The following EIF3H variants were observed in gnomAD, a reference collection of about 807,000 sequenced individuals.
EIF3H encodes the protein eukaryotic translation initiation factor 3 subunit H, also known as eIF-3-gamma.
In EIF3H, 26 loss-of-function variants were observed where a neutral mutation model predicts 44.2. The ratio of observed to expected loss-of-function variants is 0.59; its 90% CI spans 0.43 to 0.82. The LOEUF (loss-of-function observed/expected upper bound fraction) is 0.82. Among genes scored for constraint, EIF3H ranks in the 40% least tolerant of loss-of-function variants. EIF3H has a pLI of 0.00. For missense variants in EIF3H, 359 were observed against 432.8 expected, an observed-to-expected ratio of 0.83 and a Z score of 1.51; for synonymous variants, 166 against 151.9, an observed-to-expected ratio of 1.09 and a Z score of -0.68.
intron 1 of EIF3H, among the ~76,000 whole-genome samples, chr8:116,734,752 G>T (rs1815005692): frequency 6.6e-6 from 1 of 152,134 alleles, no homozygotes; most frequent in Non-Finnish European, 1.5e-5. Context: ...TGGAGACAGG[G>T]TTTCACCATG....
chr8:116,756,776 C>T (rs1815457014), upstream of EIF3H, among the ~76,000 whole-genome samples: 1 of 152,198 alleles, frequency 6.6e-6, no homozygotes, highest in Admixed American at 6.5e-5. Flanking sequence ...AATATCCACT[C>T]ATTTCAAGTG....
At chr8:116,702,064 T>C (rs1248803815) in intron 2 of EIF3H, among the ~76,000 whole-genome samples, 1 of 152,152 alleles carries the variant, frequency 6.6e-6, no homozygotes, top group Non-Finnish European at 1.5e-5. Flanking sequence ...AAGCATATGA[T>C]CTATGAGACA....
intron 2 of EIF3H, among the ~76,000 whole-genome samples, chr8:116,676,347 A>G (rs1297556496): frequency 6.6e-6 from 1 of 152,270 alleles, no homozygotes; most frequent in Non-Finnish European, 1.5e-5. Context: ...ATTGACTCAC[A>G]GTTCAGCATG....
intron 2 of EIF3H, among the ~76,000 whole-genome samples, chr8:116,694,641 T>G (rs1814236920): frequency 6.6e-6 from 1 of 152,254 alleles, no homozygotes; most frequent in South Asian, 2.1e-4. Context: ...AGAAAGGTCA[T>G]ATCTAGTCTC....
intron 2 of EIF3H, among the ~76,000 whole-genome samples, chr8:116,677,589 CAAT>C (rs1813870783): frequency 6.6e-6 from 1 of 152,224 alleles, no homozygotes; most frequent in East Asian, 1.9e-4. Flanking sequence ...CTGGCACTAA[CAAT>C]AATAGCTTCC....
In EIF3H at chr8:116,713,503, G is replaced by C. The variant is rs539452361; in HGVS notation, c.289+12513C>G. On this transcript the variant is annotated intron_variant, in intron 2 of 7. Transcript: ENST00000521861. ...AAGTAAATGCAAAAATATTTTTCAA[G>C]CTTTCAAAATGAAGCTAGACTTTGT... Among the ~76,000 whole-genome samples, 17 of 152,176 alleles carry C rather than the reference G, an allele frequency of 1.1e-4. No individual in the cohort carries two copies. The South Asian group carries it at 3.1e-3, about 28-fold the overall frequency.
chr8:116,731,775 G>C (rs115869935), intron 1 of EIF3H, among the ~76,000 whole-genome samples: 1 of 152,138 alleles, frequency 6.6e-6, no homozygotes, highest in Non-Finnish European at 1.5e-5. Flanking sequence ...GTTAAGAACC[G>C]ATGCTGACTA....
chr8:116,642,421 G>A lies in EIF3H; in HGVS notation c.*2585C>T, dbSNP rs1813235965. 6.6e-6 allele frequency: 1 copy of A among 151,810 alleles called. No individual in the cohort carries two copies. 9.4% of individuals were successfully genotyped at this position (151,810 alleles called of 1,614,324 possible). Reference sequence around the variant, plus strand: ...CTCAATTTCCAAGCTTCCAAAAATAGGTAAAAAAATTATTTTAGTTTAAGT... The same window carrying A: ...CTCAATTTCCAAGCTTCCAAAAATAAGTAAAAAAATTATTTTAGTTTAAGT... On this transcript the variant is annotated 3_prime_UTR_variant, in exon 8 of 8. Coordinates refer to ENST00000521861, the MANE Select transcript of EIF3H (RefSeq NM_003756.3).
At chr8:116,715,691 G>C (rs1808084033) in intron 2 of EIF3H, among the ~76,000 whole-genome samples, 1 of 152,064 alleles carries the variant, frequency 6.6e-6, no homozygotes, top group South Asian at 2.1e-4. Flanking sequence ...GTGAGTTATT[G>C]AATCTGTGTT....
rs146742248 is a variant in EIF3H at position 116,694,293 on chromosome 8, A to G, written c.289+31723T>C. ...GCTATAAAACTTTTAATCTTTGCAA[A>G]TCTAAAGTGTGAAATGTCATGTTTT... On this transcript the variant is annotated intron_variant, in intron 2 of 7. Transcript: ENST00000521861. 4.2e-3 allele frequency among the ~76,000 whole-genome samples: 635 copies of G among 152,236 alleles called. 5 individuals are homozygous for G. Among genetic ancestry groups the G allele is most frequent in the African/African-American group, 0.015 (605 of 41,544 alleles).
Position 116,666,753 on chromosome 8 carries a change from C to CAAAAAAAAAA in EIF3H, c.290-7783_290-7774dup, listed in dbSNP as rs56700266. Among the ~76,000 whole-genome samples the CAAAAAAAAAA allele has an allele frequency of 1.0e-3, 74 of 71,440 alleles. 11 individuals carry two copies. Among genetic ancestry groups the CAAAAAAAAAA allele is most frequent in the African/African-American group, 4.2e-3 (61 of 14,602 alleles). 46.9% of individuals were successfully genotyped at this position (71,440 alleles called of 152,430 possible). The stretch of plus-strand genomic sequence containing the variant: ...CCAAATGAGAATCTTTAGTGTTAGG[C>CAAAAAAAAAA]AAAAAAAAAAAAAAAAAAAAAAATT... On this transcript the variant is annotated intron_variant, in intron 2 of 7. Transcript: ENST00000521861.
At chr8:116,662,151 T>C (rs1813595218) in intron 2 of EIF3H, among the ~76,000 whole-genome samples, 1 of 152,208 alleles carries the variant, frequency 6.6e-6, no homozygotes, top group South Asian at 2.1e-4. Context: ...AAATATACAA[T>C]GCACTAGAAT....
At chr8:116,694,593 C>G (rs567551307) in intron 2 of EIF3H, among the ~76,000 whole-genome samples, 2 of 152,240 alleles carry the variant, frequency 1.3e-5, no homozygotes, top group East Asian at 3.9e-4. Context: ...TAGGTATAGA[C>G]CATTTATTTT....
intron 1 of EIF3H, among the ~76,000 whole-genome samples, chr8:116,745,657 G>T (rs577734028): frequency 3.3e-5 from 5 of 152,316 alleles, no homozygotes; most frequent in African/African-American, 1.2e-4. Context: ...CTGGCCCAGT[G>T]TGGTGTCTCA....
At chr8:116,712,223 G>T (rs1384581871) in intron 2 of EIF3H, among the ~76,000 whole-genome samples, 1 of 152,192 alleles carries the variant, frequency 6.6e-6, no homozygotes, top group Non-Finnish European at 1.5e-5. Context: ...GATGCTGGTT[G>T]TGAGGTTAGT....
At chr8:116,723,011 T>C (rs913047288) in intron 2 of EIF3H, among the ~76,000 whole-genome samples, 1 of 152,212 alleles carries the variant, frequency 6.6e-6, no homozygotes, top group Non-Finnish European at 1.5e-5. Context: ...TAGCTTCCAA[T>C]GATCTAGAAT....
rs189395264 is a variant in EIF3H, at chr8:116,649,753, T to C, written c.708-827A>G. Among the ~76,000 whole-genome samples, 17 of 152,298 alleles carry C rather than the reference T, an allele frequency of 1.1e-4. No homozygotes were observed. The East Asian group carries it at 2.9e-3, about 26-fold the overall frequency. Reference sequence around the variant, plus strand: ...GACAACAGTGAATAAGACATACATGTTCTATATCTTCATTGATCTTATAAC... The same window carrying C: ...GACAACAGTGAATAAGACATACATGCTCTATATCTTCATTGATCTTATAAC... On this transcript the variant is annotated intron_variant, in intron 5 of 7. Coordinates refer to ENST00000521861, the MANE Select transcript of EIF3H (RefSeq NM_003756.3).
chr8:116,734,342 A>G (rs768933942), intron 1 of EIF3H: 3 of 456,118 alleles, frequency 6.6e-6, no homozygotes, highest in South Asian at 4.6e-5. Flanking sequence ...ACAAGCCATC[A>G]GCCCTATGAA....
chr8:116,761,725 A>G (rs1815520528), intron 1 of EIF3H, among the ~76,000 whole-genome samples: 1 of 152,218 alleles, frequency 6.6e-6, no homozygotes, highest in Non-Finnish European at 1.5e-5. Context: ...TAGTTTAGAA[A>G]TATCCTCGAG....
Sources: gnomAD v4.1 joint callset for allele counts (sites outside exome capture counted in the v4.1 genomes callset) on GRCh38, gnomAD v4.1.1 for gene constraint, MANE v1.5 for transcripts, NCBI Gene and HGNC (gene_info 2026-07-23, HGNC 2026-07-21) for gene names.